The following RRM2 variants were observed in gnomAD, a reference collection of about 807,000 sequenced individuals.
RRM2 encodes ribonucleoside-diphosphate reductase subunit M2.
Under a neutral mutation model 45.9 loss-of-function variants are expected in RRM2, and 6 were observed. That is an observed-to-expected ratio of 0.13 (90% CI 0.07 to 0.26). The LOEUF is 0.26. Among genes scored for constraint, RRM2 ranks in the 10% least tolerant of loss-of-function variants. The probability of loss-of-function intolerance (pLI) is 1.00; values close to 1 mark genes in which losing one functional copy is unlikely to be tolerated. For missense variants in RRM2, 343 were observed against 489.5 expected (o/e 0.70, Z 2.82); for synonymous variants, 177 against 173.0 (o/e 1.02, Z -0.18).
chr2:10,126,342 T>A (rs1662780551), intron 5 of RRM2, among the ~76,000 whole-genome samples: 1 of 152,164 alleles, frequency 6.6e-6, no homozygotes, highest in African/African-American at 2.4e-5. Context: ...GTAGTACCCA[T>A]GGATTTGCTT....
At chr2:10,166,468 G>T (rs1663684114) in intron 3 of RRM2, among the ~76,000 whole-genome samples, 1 of 152,246 alleles carries the variant, frequency 6.6e-6, no homozygotes, top group Non-Finnish European at 1.5e-5. Flanking sequence ...CTCAGGGTGA[G>T]GGTGGGTCAG....
downstream of RRM2, among the ~76,000 whole-genome samples, chr2:10,135,222 G>T (rs575599480): frequency 5.5e-4 from 82 of 150,422 alleles, 2 homozygotes; most frequent in South Asian, 0.015. Context: ...TCAAAAGGAA[G>T]CTGGGCATCA....
intron 3 of RRM2, among the ~76,000 whole-genome samples, chr2:10,188,481 C>A (rs1664217421): frequency 6.6e-6 from 1 of 152,108 alleles, no homozygotes. Context: ...GTAAGGACAC[C>A]AGTCCTACTG....
intron 3 of RRM2, 95 bp downstream of exon 3, chr2:10,123,625 T>C: frequency 6.7e-7 from 1 of 1,500,290 alleles, no homozygotes; most frequent in Non-Finnish European, 9.1e-7. Flanking sequence ...GGGGGCTAAC[T>C]GTGGGGCATA....
intron 3 of RRM2, among the ~76,000 whole-genome samples, chr2:10,168,978 A>G: frequency 6.6e-6 from 1 of 151,800 alleles, no homozygotes; most frequent in South Asian, 2.1e-4. Flanking sequence ...TATAATATTT[A>G]TTTATTTATT....
At chr2:10,131,931 G>GT (rs1558382812), downstream of RRM2, among the ~76,000 whole-genome samples, 1 of 152,152 alleles carries the variant, frequency 6.6e-6, no homozygotes, top group Non-Finnish European at 1.5e-5. Flanking sequence ...CTTCTCAACC[G>GT]TGGGGGAGCC....
rs61292654 is a variant in RRM2, at chr2:10,150,771, G to GTTTTTTT, written n.482+8409_482+8415dup. Among the ~76,000 whole-genome samples the GTTTTTTT allele has an allele frequency of 8.8e-4, 82 of 92,776 alleles. 1 individual carries two copies. Among genetic ancestry groups the GTTTTTTT allele is most frequent in the Non-Finnish European group, 1.1e-3 (51 of 47,118 alleles). 60.9% of individuals were successfully genotyped at this position (92,776 alleles called of 152,430 possible). On this transcript the variant is annotated intron_variant and non_coding_transcript_variant, in intron 3 of 3. Coordinates refer to the RRM2 transcript ENST00000381786. ...TAAATAGAATCCTACAGTGTGTTGT[G>GTTTTTTT]TTTTTTTTTTTTTTTTTTTGATGTG...
chr2:10,209,081 A>C (rs1664714198), intron 3 of RRM2, among the ~76,000 whole-genome samples: 2 of 97,878 alleles, frequency 2.0e-5, no homozygotes, highest in Admixed American at 2.3e-4. Context: ...TTTGAGATGA[A>C]GTCTTATTCC....
chr2:10,136,168 T>C (rs892433423), downstream of RRM2, among the ~76,000 whole-genome samples: 2 of 152,110 alleles, frequency 1.3e-5, no homozygotes, highest in Non-Finnish European at 2.9e-5. Context: ...TAGGGTGTGG[T>C]CAAATGACTG....
At chr2:10,128,418 AGTAACTT>A (rs1662827709) in intron 7 of RRM2, among the ~76,000 whole-genome samples, 1 of 152,262 alleles carries the variant, frequency 6.6e-6, no homozygotes, top group African/African-American at 2.4e-5. Flanking sequence ...TGTTTAATGC[AGTAACTT>A]GCAAACTTGA....
chr2:10,207,562 C>A (rs1664686569), intron 3 of RRM2, among the ~76,000 whole-genome samples: 1 of 152,200 alleles, frequency 6.6e-6, no homozygotes, highest in Non-Finnish European at 1.5e-5. Flanking sequence ...TCTCTGGACT[C>A]TTTTGGCCCC....
intron 3 of RRM2, among the ~76,000 whole-genome samples, chr2:10,184,911 A>G (rs1419334807): frequency 6.6e-6 from 1 of 152,218 alleles, no homozygotes; most frequent in African/African-American, 2.4e-5. Flanking sequence ...TGGGTTTAGA[A>G]GAGCACAGGT....
At chr2:10,168,817 A>G (rs1429690100) in intron 3 of RRM2, among the ~76,000 whole-genome samples, 8 of 151,564 alleles carry the variant, frequency 5.3e-5, no homozygotes, top group Non-Finnish European at 1.2e-4. Flanking sequence ...CTTCAATCCA[A>G]CCTTTCCTCA....
chr2:10,164,132 G>A (rs889277104), intron 3 of RRM2, among the ~76,000 whole-genome samples: 6 of 152,118 alleles, frequency 3.9e-5, no homozygotes, highest in Non-Finnish European at 1.5e-5. Context: ...TTTTTAAATA[G>A]TGTATGTATT....
chr2:10,209,576 T>C (rs972943737), intron 3 of RRM2, among the ~76,000 whole-genome samples: 1 of 146,864 alleles, frequency 6.8e-6, no homozygotes, highest in Non-Finnish European at 1.5e-5. Context: ...CGTGCTTGCA[T>C]GTGTGTGTGT....
At chr2:10,132,737 G>A (rs945318679), downstream of RRM2, among the ~76,000 whole-genome samples, 1 of 152,216 alleles carries the variant, frequency 6.6e-6, no homozygotes, top group African/African-American at 2.4e-5. Context: ...TTCAGTTAAG[G>A]TCATTTGATT....
intron 3 of RRM2, among the ~76,000 whole-genome samples, chr2:10,153,821 G>T (rs1663368621): frequency 1.3e-5 from 2 of 152,100 alleles, no homozygotes; most frequent in South Asian, 4.1e-4. Context: ...GCTTAAAAAA[G>T]CAAATTCCCA....
intron 3 of RRM2, among the ~76,000 whole-genome samples, chr2:10,191,944 C>T (rs192144450): frequency 0.011 from 1,712 of 152,216 alleles, 29 homozygotes; most frequent in Middle Eastern, 0.041. Flanking sequence ...AGTCCGTGAC[C>T]CCTTGAGGAA....
At chr2:10,128,033 G>A (rs1430582625) in intron 7 of RRM2, among the ~76,000 whole-genome samples, 1 of 151,900 alleles carries the variant, frequency 6.6e-6, no homozygotes, top group East Asian at 2.0e-4. Context: ...GGGTATGGTG[G>A]ACGTGCCTAT....
Sources: gnomAD v4.1 joint callset for allele counts (sites outside exome capture counted in the v4.1 genomes callset) on GRCh38, gnomAD v4.1.1 for gene constraint, MANE v1.5 for transcripts, NCBI Gene and HGNC (gene_info 2026-07-23, HGNC 2026-07-21) for gene names.